Variants in TRAK1 observed in about 807,000 individuals in gnomAD.
The protein encoded by TRAK1 is trafficking kinesin protein 1.
A neutral mutation model predicts 92.1 loss-of-function variants in TRAK1; 33 were observed. The ratio of observed to expected loss-of-function variants is 0.36; its 90% CI spans 0.27 to 0.48. The LOEUF (loss-of-function observed/expected upper bound fraction) is 0.48. TRAK1 is among the 20% of genes least tolerant of loss of function. The probability of loss-of-function intolerance (pLI) is 0.99; values close to 1 mark genes in which losing one functional copy is unlikely to be tolerated. For missense variants in TRAK1, 1,123 were observed against 1,257.9 expected (o/e 0.89, Z 1.62); for synonymous variants, 521 against 517.3 (o/e 1.01, Z -0.10).
At chr3:42,017,919 G>C (rs1245597264) in intron 1 of TRAK1, among the ~76,000 whole-genome samples, 2 of 152,062 alleles carry the variant, frequency 1.3e-5, no homozygotes, top group African/African-American at 4.8e-5. Context: ...CCTGTAGGCA[G>C]CCTGTTTGGA....
At chr3:42,162,438 G>A (rs1254587128) in intron 2 of TRAK1, among the ~76,000 whole-genome samples, 1 of 152,096 alleles carries the variant, frequency 6.6e-6, no homozygotes, top group African/African-American at 2.4e-5. Flanking sequence ...GAGGACTTGA[G>A]CCCAGGAACA....
chr3:42,050,551 G>A (rs1400945657), intron 1 of TRAK1, among the ~76,000 whole-genome samples: 6 of 152,158 alleles, frequency 3.9e-5, no homozygotes, highest in South Asian at 2.1e-4. Flanking sequence ...GTCCCATTAA[G>A]GCAGTTAGGC....
At chr3:42,222,015 AG>A (rs1380291366) in intron 15 of TRAK1, 4 of 151,350 alleles carry the variant, frequency 2.6e-5, no homozygotes, top group Non-Finnish European at 4.4e-5. Context: ...AAAAAAAAAA[AG>A]AACCTTTCCT....
At chr3:42,078,651 C>G (rs1047383961) in intron 1 of TRAK1, among the ~76,000 whole-genome samples, 1 of 150,774 alleles carries the variant, frequency 6.6e-6, no homozygotes, top group African/African-American at 2.4e-5. Flanking sequence ...TACTCGGGAG[C>G]CTGAGGCAGG....
intron 1 of TRAK1, among the ~76,000 whole-genome samples, chr3:42,047,929 T>TC (rs1318023498): frequency 1.3e-5 from 2 of 150,746 alleles, no homozygotes. Flanking sequence ...TTTCTTTTTT[T>TC]TTTTTTTTTT....
chr3:42,220,955 C>T (rs774135257), intron 15 of TRAK1, among the ~76,000 whole-genome samples: 31 of 152,034 alleles, frequency 2.0e-4, no homozygotes, highest in Non-Finnish European at 4.3e-4. Flanking sequence ...GGCTGGTGCC[C>T]TGGGTAACTA....
intron 1 of TRAK1, among the ~76,000 whole-genome samples, chr3:42,014,288 C>G (rs945830662): frequency 2.0e-5 from 3 of 152,208 alleles, no homozygotes; most frequent in African/African-American, 7.2e-5. Flanking sequence ...TGCAGGAGGC[C>G]CTCGGAGCCC....
Position 42,209,869 on chromosome 3 carries a change from A to G in TRAK1, c.1847A>G (p.Asp616Gly), listed in dbSNP as rs1302129275. The change falls in exon 14 of 16, where the codon GAT becomes GGT. Residue 616 changes from aspartate to glycine, a missense_variant. Coordinates refer to ENST00000327628, the MANE Select transcript of TRAK1 (RefSeq NM_001042646.3). ...GVVTKGFRTL[D>G]VDLDEVYCLN... ...GTCACCAAGGGCTTCCGGACGCTGG[A>G]TGTTGACCTGGACGAAGTGTACTGC... 3.7e-6 allele frequency: 6 copies of G among 1,614,166 alleles called. No homozygotes were observed. Among genetic ancestry groups the G allele is most frequent in the Non-Finnish European group, 5.1e-6 (6 of 1,180,030 alleles).
intron 4 of TRAK1, among the ~76,000 whole-genome samples, chr3:42,187,181 G>T (rs530175228): frequency 6.6e-6 from 1 of 152,138 alleles, no homozygotes; most frequent in South Asian, 2.1e-4. Flanking sequence ...CATTGAGCAC[G>T]GAACGAGGTC....
At chr3:42,106,627 G>GTATT (rs1707609446) in intron 1 of TRAK1, among the ~76,000 whole-genome samples, 1 of 152,082 alleles carries the variant, frequency 6.6e-6, no homozygotes, top group East Asian at 1.9e-4. Flanking sequence ...TTATAATGTT[G>GTATT]TATTTATTTA....
rs1191185982 is a variant in TRAK1, at chr3:42,197,030, A to ACT, written c.1113+2090_1113+2091insTC. On this transcript the variant is annotated intron_variant, in intron 10 of 15. Coordinates refer to ENST00000327628, the MANE Select transcript of TRAK1 (RefSeq NM_001042646.3). The stretch of plus-strand genomic sequence containing the variant: ...CACACACACACACACACACACACAC[A>ACT]CACACACACGTTGTTATATTGATAC... Among the ~76,000 whole-genome samples, 734 of 147,412 alleles carry ACT rather than the reference A, an allele frequency of 5.0e-3. 2 individuals carry two copies. Among genetic ancestry groups the ACT allele is most frequent in the African/African-American group, 0.016 (647 of 40,048 alleles).
At chr3:42,153,551 A>G (rs938265121) in intron 2 of TRAK1, among the ~76,000 whole-genome samples, 16 of 152,034 alleles carry the variant, frequency 1.1e-4, no homozygotes, top group African/African-American at 3.9e-4. Context: ...TTGGGGTAGG[A>G]GGTGGTCTAG....
chr3:42,125,839 T>A (rs887733262), intron 2 of TRAK1, among the ~76,000 whole-genome samples: 21 of 152,190 alleles, frequency 1.4e-4, no homozygotes, highest in Admixed American at 1.2e-3. Flanking sequence ...GATTTTCATT[T>A]GAACCAACTT....
intron 1 of TRAK1, among the ~76,000 whole-genome samples, chr3:42,118,888 C>T (rs944618327): frequency 6.6e-6 from 1 of 152,208 alleles, no homozygotes; most frequent in Non-Finnish European, 1.5e-5. Context: ...ATGGGACTTT[C>T]CTCTATGCTG....
intron 8 of TRAK1, 70 bp downstream of exon 8, chr3:42,193,275 C>T (rs147960981): frequency 7.6e-6 from 12 of 1,582,672 alleles, no homozygotes; most frequent in Non-Finnish European, 1.0e-5. Context: ...ACATTTACTC[C>T]AGAAGACAGT....
chr3:42,135,856 G>A (rs1488148900), intron 2 of TRAK1, among the ~76,000 whole-genome samples: 2 of 152,176 alleles, frequency 1.3e-5, no homozygotes, highest in East Asian at 3.8e-4. Context: ...TGATGGCTAC[G>A]TTTCTCTCTA....
intron 1 of TRAK1, among the ~76,000 whole-genome samples, chr3:42,054,375 T>C (rs967141789): frequency 6.6e-6 from 1 of 152,038 alleles, no homozygotes; most frequent in African/African-American, 2.4e-5. Context: ...GAGAGGCAGG[T>C]ACAGGGTGCA....
In TRAK1 at chr3:42,194,867, C is replaced by T. The variant is rs569323766; in HGVS notation, c.1039C>T (p.Leu347=). The part of the protein sequence containing the change: ...MEMLHEAQEE[L]KNLRNKTMPN... The stretch of plus-strand genomic sequence containing the variant: ...GATGCTGCATGAGGCGCAGGAGGAG[C>T]TGAAGAACCTCCGGAACAAAACCAT... The change falls in exon 10 of 16, where the codon CTG becomes TTG. Residue 347 remains leucine, a synonymous_variant. Transcript: ENST00000327628. 2.5e-6 allele frequency: 4 copies of T among 1,613,918 alleles called. No homozygotes were observed. In the African/African-American group the frequency reaches 5.3e-5, roughly 22 times the overall value.
At chr3:42,132,702 CTG>C (rs1426664029) in intron 2 of TRAK1, among the ~76,000 whole-genome samples, 4 of 152,168 alleles carry the variant, frequency 2.6e-5, no homozygotes, top group African/African-American at 9.7e-5. Context: ...CCTCAGGTGA[CTG>C]TGATGTACTC....
Sources: allele counts gnomAD v4.1 joint callset (sites outside exome capture counted in the v4.1 genomes callset), GRCh38; gene constraint gnomAD v4.1.1; transcripts MANE v1.5; gene names NCBI Gene and HGNC (gene_info 2026-07-23, HGNC 2026-07-21).